The following CAST variants were observed in gnomAD, a reference collection of about 807,000 sequenced individuals.
CAST encodes the protein calpastatin.
Under a neutral mutation model 119.6 loss-of-function variants are expected in CAST, and 76 were observed. The observed-to-expected ratio is 0.64, with a 90% CI of 0.53 to 0.77. The LOEUF is 0.77. Ranked by LOEUF, CAST falls within the 30% of genes least tolerant of loss-of-function variation. The probability of loss-of-function intolerance (pLI) is 0.00; values close to 1 mark genes in which losing one functional copy is unlikely to be tolerated. For synonymous variants in CAST, 319 were observed against 331.6 expected (o/e 0.96, Z 0.41); for missense variants, 953 against 946.5 (o/e 1.01, Z -0.09).
chr5:96,513,096 G>A, the CAST span, among the ~76,000 whole-genome samples: 8 of 152,080 alleles, frequency 5.3e-5, no homozygotes, highest in African/African-American at 1.7e-4. Context: ...ATTCATTCTC[G>A]GGTCCTGATT....
chr5:96,047,793 T>G, the CAST span, among the ~76,000 whole-genome samples: 1 of 152,166 alleles, frequency 6.6e-6, no homozygotes, highest in Non-Finnish European at 1.5e-5. Context: ...CATAAGCATG[T>G]GTAAAACTGC....
At chr5:96,580,680 G>A (rs1025826551) in intron 1 of CAST, among the ~76,000 whole-genome samples, 2 of 152,224 alleles carry the variant, frequency 1.3e-5, no homozygotes, top group Non-Finnish European at 2.9e-5. Flanking sequence ...GCCTTATACG[G>A]ATCACTTCTA....
intron 1 of CAST, among the ~76,000 whole-genome samples, chr5:96,566,501 G>GT (rs1178576149): frequency 2.6e-5 from 4 of 152,190 alleles, no homozygotes; most frequent in Non-Finnish European, 5.9e-5. Context: ...GGAACCACAG[G>GT]TTATAAAGCA....
At chr5:96,231,684 GATATA>G in the CAST span, among the ~76,000 whole-genome samples, 160 of 151,994 alleles carry the variant, frequency 1.1e-3, 2 homozygotes, top group South Asian at 0.031. Context: ...GAATAATTAT[GATATA>G]ATATAAAAAT....
the CAST span, among the ~76,000 whole-genome samples, chr5:96,327,024 T>A: frequency 2.5e-4 from 38 of 152,202 alleles, no homozygotes; most frequent in Non-Finnish European, 5.9e-5. Context: ...AAGTTTGCCA[T>A]CTATAATGAG....
the CAST span, among the ~76,000 whole-genome samples, chr5:96,339,268 A>C: frequency 1.3e-5 from 2 of 152,210 alleles, no homozygotes; most frequent in Admixed American, 1.3e-4. Context: ...GACCCCAAGA[A>C]ACTTATTTAA....
chr5:96,561,796 G>GTTTTTTTGTTTTTTTTTT (rs1267067922), intron 1 of CAST, among the ~76,000 whole-genome samples: 246 of 97,390 alleles, frequency 2.5e-3, no homozygotes, highest in African/African-American at 3.6e-3. Flanking sequence ...GTTTTTTTTT[G>GTTTTTTTGTTTTTTTTTT]TTTTTTTTTT....
At chr5:96,297,063 A>G in the CAST span, among the ~76,000 whole-genome samples, 1 of 150,548 alleles carries the variant, frequency 6.6e-6, no homozygotes, top group African/African-American at 2.4e-5. Flanking sequence ...AGTGTGAACA[A>G]TTAATTACAT....
intron 13 of CAST, 144 bp from the exon 14 acceptor site, chr5:96,741,122 C>T (rs1762575867): frequency 1.6e-6 from 1 of 614,118 alleles, no homozygotes; most frequent in Non-Finnish European, 2.9e-6. Flanking sequence ...AAAACATACA[C>T]TTTGATCTAA....
intron 1 of CAST, among the ~76,000 whole-genome samples, chr5:96,595,010 A>AAC (rs1344722230): frequency 6.6e-6 from 1 of 152,184 alleles, no homozygotes; most frequent in African/African-American, 2.4e-5. Context: ...TACAGAGTAA[A>AAC]ACCAATTCCC....
the CAST span, among the ~76,000 whole-genome samples, chr5:96,393,904 G>T: frequency 6.6e-6 from 1 of 152,144 alleles, no homozygotes; most frequent in Non-Finnish European, 1.5e-5. Flanking sequence ...GGGAGCTGGA[G>T]AGCTCAGAGA....
At chr5:96,535,675 G>A (rs534810030) in intron 1 of CAST, among the ~76,000 whole-genome samples, 24 of 142,370 alleles carry the variant, frequency 1.7e-4, no homozygotes, top group African/African-American at 6.0e-4. Context: ...CTGGGTTAAC[G>A]CCATTCTCCT....
At chr5:96,110,661 A>G in the CAST span, among the ~76,000 whole-genome samples, 1 of 152,178 alleles carries the variant, frequency 6.6e-6, no homozygotes. Context: ...TGGGAAGGTT[A>G]GTAAAATTAA....
the CAST span, among the ~76,000 whole-genome samples, chr5:96,193,362 T>C: frequency 6.6e-6 from 1 of 152,158 alleles, no homozygotes; most frequent in African/African-American, 2.4e-5. Context: ...TTAAATATGA[T>C]ACAGATGAGA....
At chr5:96,225,831 C>T in the CAST span, among the ~76,000 whole-genome samples, 2,177 of 152,222 alleles carry the variant, frequency 0.014, 36 homozygotes, top group South Asian at 0.082. Flanking sequence ...TTGGAGAGAG[C>T]TGTTCTATAA....
the CAST span, among the ~76,000 whole-genome samples, chr5:96,052,794 A>G: frequency 2.0e-5 from 3 of 152,224 alleles, no homozygotes; most frequent in Admixed American, 6.5e-5. Flanking sequence ...GATTAGGTCT[A>G]TTTATTACTC....
chr5:96,133,790 G>A, the CAST span, among the ~76,000 whole-genome samples: 1 of 152,154 alleles, frequency 6.6e-6, no homozygotes, highest in East Asian at 1.9e-4. Flanking sequence ...AATAGAAAAG[G>A]GGGGCTGCAT....
At chr5:96,160,427 GCAAGTATCAGTACTTTATTCCTTGTT>G in the CAST span, among the ~76,000 whole-genome samples, 1 of 152,102 alleles carries the variant, frequency 6.6e-6, no homozygotes, top group Non-Finnish European at 1.5e-5. Flanking sequence ...CCATGTTGTA[GCAAGTATCAGTACTTTATTCCTTGTT>G]ATGGCTGAAT....
chr5:96,744,500 C>A (rs1820166), intron 16 of CAST, among the ~76,000 whole-genome samples: 1 of 152,188 alleles, frequency 6.6e-6, no homozygotes, highest in Non-Finnish European at 1.5e-5. Flanking sequence ...TCAATTACCT[C>A]CCACTGGGTC....
Sources: gnomAD v4.1 joint callset for allele counts (sites outside exome capture counted in the v4.1 genomes callset) on GRCh38, gnomAD v4.1.1 for gene constraint, MANE v1.5 for transcripts, NCBI Gene and HGNC (gene_info 2026-07-23, HGNC 2026-07-21) for gene names.